The following SPTBN1 variants were observed in gnomAD, a reference collection of about 807,000 sequenced individuals.
SPTBN1 encodes the protein spectrin beta, non-erythrocytic 1.
A neutral mutation model predicts 266.4 loss-of-function variants in SPTBN1; 32 were observed. The observed-to-expected ratio is 0.12, with a 90% CI of 0.09 to 0.16. SPTBN1 has a LOEUF of 0.16. Among genes scored for constraint, SPTBN1 ranks in the 10% least tolerant of loss-of-function variants. SPTBN1 has a pLI of 1.00. For missense variants in SPTBN1, 2,296 were observed against 3,067.1 expected (o/e 0.75, Z 5.94); for synonymous variants, 1,336 against 1,162.2 (o/e 1.15, Z -3.04).
intron 1 of SPTBN1, among the ~76,000 whole-genome samples, chr2:54,467,948 A>G (rs1296189792): frequency 6.6e-6 from 1 of 152,198 alleles, no homozygotes; most frequent in East Asian, 1.9e-4. Context: ...GAAACTAAAG[A>G]TGAATACAAA....
chr2:54,656,745 G>A (rs1192349473), intron 29 of SPTBN1, among the ~76,000 whole-genome samples: 1 of 152,190 alleles, frequency 6.6e-6, no homozygotes, highest in Non-Finnish European at 1.5e-5. Flanking sequence ...GGCACACTCT[G>A]TTGGGCCCAG....
chr2:54,571,681 A>T (rs1262081330), intron 2 of SPTBN1, among the ~76,000 whole-genome samples: 1 of 134,548 alleles, frequency 7.4e-6, no homozygotes, highest in African/African-American at 3.4e-5. Context: ...GTGAACTCCC[A>T]GGAGGATAGT....
intron 7 of SPTBN1, 72 bp from the exon 8 acceptor site, chr2:54,621,328 C>T (rs1558436107): frequency 9.0e-7 from 1 of 1,105,514 alleles, no homozygotes; most frequent in South Asian, 1.3e-5. Flanking sequence ...GCAGTCGTTG[C>T]ATTTGTTCCT....
chr2:54,591,753 A>G (rs1216686062), intron 2 of SPTBN1, among the ~76,000 whole-genome samples: 3 of 152,224 alleles, frequency 2.0e-5, no homozygotes, highest in Non-Finnish European at 2.9e-5. Context: ...GGTATTGCAG[A>G]AAGATGCCGT....
chr2:54,623,640 G>A, intron 10 of SPTBN1, 44 bp downstream of exon 10: 3 of 1,502,034 alleles, frequency 2.0e-6, no homozygotes, highest in South Asian at 1.2e-5. Flanking sequence ...CCTCCTGGAG[G>A]CTTCAGGTTC....
In SPTBN1 at chr2:54,563,673, G is replaced by A. The variant is rs563381955; in HGVS notation, c.149-35419G>A. On this transcript the variant is annotated intron_variant, in intron 2 of 35. Coordinates refer to ENST00000356805, the MANE Select transcript of SPTBN1 (RefSeq NM_003128.3). ...GGCTGGAGTGCAGTGGCGCGATCTC[G>A]GCTCACTGCAACCTCTGCCTTCCGG... Among the ~76,000 whole-genome samples, 3 of 137,492 alleles carry A rather than the reference G, an allele frequency of 2.2e-5. No homozygotes were observed. In the East Asian group the frequency reaches 6.4e-4, roughly 29 times the overall value. The allele number at this position is 137,492 out of a possible 152,430, so 90.2% of individuals were successfully genotyped here. A position where few individuals can be genotyped will look rare whatever the true frequency, so the allele number is the denominator to read the frequency against.
Position 54,645,855 on chromosome 2 carries a change from C to G in SPTBN1, c.4495-73C>G. Reference sequence around the variant, plus strand: ...GCTCACCCTTGCTGTCCCTCACTGCCCCTCACTGCTCGTTTGTGTCGTATA... The same window carrying G: ...GCTCACCCTTGCTGTCCCTCACTGCGCCTCACTGCTCGTTTGTGTCGTATA... On this transcript the variant is annotated intron_variant, in intron 21 of 35. Coordinates refer to ENST00000356805, the MANE Select transcript of SPTBN1 (RefSeq NM_003128.3). This position sits in a 1 kb window ranked among gnomAD's most constrained non-coding sequence, Gnocchi z 4.3. The G allele has an allele frequency of 1.3e-6, 2 of 1,524,102 alleles. No individual in the cohort carries two copies. Among genetic ancestry groups the G allele is most frequent in the Non-Finnish European group, 9.1e-7 (1 of 1,101,918 alleles). 94.4% of individuals were successfully genotyped at this position (1,524,102 alleles called of 1,614,324 possible). A position where few individuals can be genotyped will look rare whatever the true frequency, so the allele number is the denominator to read the frequency against.
intron 2 of SPTBN1, among the ~76,000 whole-genome samples, chr2:54,551,122 T>C (rs1295281771): frequency 6.6e-6 from 1 of 152,202 alleles, no homozygotes; most frequent in African/African-American, 2.4e-5. Context: ...ACCCATTTCT[T>C]TCTCATGAGC....
chr2:54,597,675 G>A (rs772740106), intron 2 of SPTBN1, among the ~76,000 whole-genome samples: 8 of 152,150 alleles, frequency 5.3e-5, no homozygotes, highest in Non-Finnish European at 1.0e-4. Context: ...TGTGGTGGGT[G>A]GTGGAGTGAG....
intron 1 of SPTBN1, among the ~76,000 whole-genome samples, chr2:54,485,721 G>A (rs1180783129): frequency 2.0e-5 from 3 of 151,412 alleles, no homozygotes; most frequent in African/African-American, 7.3e-5. Flanking sequence ...TCTCTGCCCG[G>A]CCGCCATCCC....
At chr2:54,526,263 A>T (rs751453057) in intron 1 of SPTBN1, 109 bp from the exon 2 acceptor site, 5 of 867,302 alleles carry the variant, frequency 5.8e-6, no homozygotes, top group Non-Finnish European at 8.5e-6. Context: ...CAGAAGACCT[A>T]TTCTTGGCAA....
At chr2:54,642,179 G>A (rs1161810617) in intron 18 of SPTBN1, among the ~76,000 whole-genome samples, 4 of 152,180 alleles carry the variant, frequency 2.6e-5, no homozygotes, top group African/African-American at 7.2e-5. Flanking sequence ...GGGCCGATTC[G>A]GGATGGAAGC....
chr2:54,522,422 G>A (rs957305440), intron 1 of SPTBN1, among the ~76,000 whole-genome samples: 2 of 151,894 alleles, frequency 1.3e-5, no homozygotes, highest in Admixed American at 1.3e-4. Context: ...CCCGAGTTCA[G>A]GAGTTTGAGA....
At chr2:54,459,796 G>A (rs562288252) in intron 1 of SPTBN1, among the ~76,000 whole-genome samples, 6 of 152,304 alleles carry the variant, frequency 3.9e-5, no homozygotes, top group African/African-American at 1.4e-4. Context: ...GTCTGTGGAA[G>A]TGAGTAAAGC....
chr2:54,494,322 G>A (rs1573268226), intron 1 of SPTBN1, among the ~76,000 whole-genome samples: 1 of 152,092 alleles, frequency 6.6e-6, no homozygotes, highest in African/African-American at 2.4e-5. Flanking sequence ...ACAACTTGCA[G>A]TTTTTTTAAC....
At chr2:54,564,328 G>A (rs1673527477) in intron 2 of SPTBN1, among the ~76,000 whole-genome samples, 1 of 152,162 alleles carries the variant, frequency 6.6e-6, no homozygotes, top group Non-Finnish European at 1.5e-5. Flanking sequence ...TGCTGAGAAA[G>A]CTTTCTGGAT....
chr2:54,595,537 G>A (rs115994041), intron 2 of SPTBN1, among the ~76,000 whole-genome samples: 2 of 152,238 alleles, frequency 1.3e-5, no homozygotes, highest in African/African-American at 2.4e-5. Context: ...ACCTCACATC[G>A]CCCAGACCCA....
intron 34 of SPTBN1, among the ~76,000 whole-genome samples, chr2:54,666,492 C>G (rs1681377671): frequency 1.3e-5 from 2 of 152,168 alleles, no homozygotes; most frequent in African/African-American, 4.8e-5. Context: ...GGAGATGGGT[C>G]AAGTGAGTCA....
intron 1 of SPTBN1, among the ~76,000 whole-genome samples, chr2:54,460,208 ACT>A (rs1368254301): frequency 2.6e-5 from 4 of 151,762 alleles, no homozygotes; most frequent in South Asian, 2.1e-4. Flanking sequence ...AAATGAAGAA[ACT>A]CTATTCTGTT....
Sources: allele counts gnomAD v4.1 joint callset (sites outside exome capture counted in the v4.1 genomes callset), GRCh38; gene constraint gnomAD v4.1.1; non-coding constraint Gnocchi (gnomAD v3.1); transcripts MANE v1.5; gene names NCBI Gene and HGNC (gene_info 2026-07-23, HGNC 2026-07-21).